Variants in DCTN6 observed in about 807,000 individuals in gnomAD.
DCTN6 encodes the protein dynactin 6.
In DCTN6, 15 loss-of-function variants were observed where a neutral mutation model predicts 25.8. That is an observed-to-expected ratio of 0.58 (90% confidence interval 0.39 to 0.89). The LOEUF (loss-of-function observed/expected upper bound fraction) is 0.89. DCTN6 is among the 40% of genes least tolerant of loss of function. The pLI is 0.00. For synonymous variants in DCTN6, 64 were observed against 78.3 expected (o/e 0.82, Z 0.96); for missense variants, 198 against 237.6 (o/e 0.83, Z 1.09).
intron 2 of DCTN6, among the ~76,000 whole-genome samples, chr8:30,166,260 T>C (rs1271595788): frequency 6.6e-6 from 1 of 151,998 alleles, no homozygotes; most frequent in East Asian, 1.9e-4. Context: ...TTTTTTCTTT[T>C]CTTTTTTTTT....
chr8:30,177,009 A>G, intron 3 of DCTN6, 117 bp from the exon 4 acceptor site: 1 of 695,744 alleles, frequency 1.4e-6, no homozygotes, highest in Non-Finnish European at 2.5e-6. Context: ...TTATATAGTC[A>G]TGTCTTTTAA....
chr8:30,176,011 A>C (rs1803827543), intron 3 of DCTN6, among the ~76,000 whole-genome samples: 1 of 152,228 alleles, frequency 6.6e-6, no homozygotes, highest in African/African-American at 2.4e-5. Flanking sequence ...AATGGCGTCC[A>C]CCTCTTAGAA....
chr8:30,165,408 C>G (rs1232487036), intron 2 of DCTN6, among the ~76,000 whole-genome samples: 1 of 149,606 alleles, frequency 6.7e-6, no homozygotes, highest in African/African-American at 2.5e-5. Context: ...AGAGGAAATA[C>G]ACTTTATTTC....
intron 2 of DCTN6, among the ~76,000 whole-genome samples, chr8:30,165,363 A>G (rs1020522719): frequency 1.2e-4 from 18 of 152,072 alleles, no homozygotes; most frequent in Non-Finnish European, 2.6e-4. Context: ...GTATGCTACC[A>G]GACTAAAGTG....
At chr8:30,173,454 C>A (rs77450068) in intron 2 of DCTN6, among the ~76,000 whole-genome samples, 12,605 of 152,166 alleles carry the variant, frequency 0.083, 738 homozygotes, top group East Asian at 0.33. Context: ...CAATTTATAT[C>A]ATTAGGTGGG....
chr8:30,158,192 GTC>G (rs1318224918), intron 1 of DCTN6, among the ~76,000 whole-genome samples: 3 of 152,190 alleles, frequency 2.0e-5, no homozygotes, highest in Admixed American at 6.5e-5. Context: ...GCATTTGTGA[GTC>G]TCTCCTACTC....
intron 1 of DCTN6, among the ~76,000 whole-genome samples, chr8:30,156,687 C>T (rs1036827682): frequency 6.6e-6 from 1 of 151,136 alleles, no homozygotes; most frequent in African/African-American, 2.4e-5. Context: ...GCCGGGAGGG[C>T]GGGGGGGGCT....
chr8:30,179,477 A>G (rs1389491425), intron 5 of DCTN6, 22 bp downstream of exon 5: 2 of 1,603,172 alleles, frequency 1.2e-6, no homozygotes, highest in African/African-American at 1.3e-5. Flanking sequence ...TCAGAGTTTC[A>G]TTGTCAAAGC....
intron 1 of DCTN6, among the ~76,000 whole-genome samples, chr8:30,157,232 T>TGG (rs1803538328): frequency 6.6e-6 from 1 of 152,228 alleles, no homozygotes; most frequent in South Asian, 2.1e-4. Context: ...GGTAATGGCC[T>TGG]CCAGTTCCAT....
intron 2 of DCTN6, among the ~76,000 whole-genome samples, chr8:30,166,368 A>G (rs1356645758): frequency 7.3e-6 from 1 of 137,312 alleles, no homozygotes; most frequent in Non-Finnish European, 1.5e-5. Context: ...AGCTAGTCTT[A>G]AACTCCTGGG....
Position 30,179,344 on chromosome 8 carries a change from A to G in DCTN6, c.284-64A>G, listed in dbSNP as rs1312881725. 3 of 1,386,666 alleles carry G rather than the reference A, an allele frequency of 2.2e-6. No homozygotes were observed. In the African/African-American group the frequency reaches 4.3e-5, roughly 20 times the overall value. The allele number at this position is 1,386,666 out of a possible 1,614,324, so 85.9% of individuals were successfully genotyped here. A position where few individuals can be genotyped will look rare whatever the true frequency, so the allele number is the denominator to read the frequency against. On this transcript the variant is annotated intron_variant, in intron 4 of 6. Transcript: ENST00000221114. ...CTCTGTCCCAGTGCAATGTAAGTACATACTGTGTTAGTGGGGACTAAAGAT... is the reference window on the plus strand; with the variant it reads ...CTCTGTCCCAGTGCAATGTAAGTACGTACTGTGTTAGTGGGGACTAAAGAT...
At position 30,183,383 on chromosome 8, in the gene DCTN6, T is replaced by G; in HGVS notation, c.*210T>G. On this transcript the variant is annotated 3_prime_UTR_variant, in exon 7 of 7. Coordinates refer to ENST00000221114, the MANE Select transcript of DCTN6 (RefSeq NM_006571.4). ...TTATTTTCCTATATCCTTGGTTCTTTTCTGATAATTTACAGATTTAGCTTT... is the reference window on the plus strand; with the variant it reads ...TTATTTTCCTATATCCTTGGTTCTTGTCTGATAATTTACAGATTTAGCTTT... The G allele has an allele frequency of 2.7e-6, 1 of 369,650 alleles. No homozygotes were observed. Among genetic ancestry groups the G allele is most frequent in the Non-Finnish European group, 4.8e-6 (1 of 207,372 alleles). The allele number at this position is 369,650 out of a possible 1,614,324, so 22.9% of individuals were successfully genotyped here. A position where few individuals can be genotyped will look rare whatever the true frequency, so the allele number is the denominator to read the frequency against.
chr8:30,163,088 G>A (rs962626683), intron 1 of DCTN6, among the ~76,000 whole-genome samples: 2 of 151,778 alleles, frequency 1.3e-5, no homozygotes, highest in Admixed American at 6.6e-5. Flanking sequence ...ACCTGAGGTC[G>A]GGAGTTCGAG....
chr8:30,172,839 A>G (rs1344818184), intron 2 of DCTN6, among the ~76,000 whole-genome samples: 1 of 152,134 alleles, frequency 6.6e-6, no homozygotes, highest in African/African-American at 2.4e-5. Flanking sequence ...ATTTTTTTGT[A>G]ATTTTTTGTA....
chr8:30,183,254 A>T lies in DCTN6; in HGVS notation c.*81A>T. 1 of 1,123,502 alleles carries T rather than the reference A, an allele frequency of 8.9e-7. No homozygotes were observed. 69.6% of individuals were successfully genotyped at this position (1,123,502 alleles called of 1,614,324 possible). On this transcript the variant is annotated 3_prime_UTR_variant, in exon 7 of 7. Coordinates refer to ENST00000221114, the MANE Select transcript of DCTN6 (RefSeq NM_006571.4). Reference sequence around the variant, plus strand: ...GGCCCACAGTGTTTATGTACTCTTAACAACTCACAGAATAATACATGTTCA... The same window carrying T: ...GGCCCACAGTGTTTATGTACTCTTATCAACTCACAGAATAATACATGTTCA...
chr8:30,178,159 A>T (rs1803866187), intron 4 of DCTN6, among the ~76,000 whole-genome samples: 1 of 151,898 alleles, frequency 6.6e-6, no homozygotes, highest in South Asian at 2.1e-4. Flanking sequence ...TTAGTTTAGT[A>T]CTCTAAAAAG....
intron 1 of DCTN6, among the ~76,000 whole-genome samples, chr8:30,159,882 C>G (rs963620400): frequency 6.6e-6 from 1 of 152,036 alleles, no homozygotes; most frequent in Non-Finnish European, 1.5e-5. Context: ...CCGCCTCAGC[C>G]CCCCAAGTAG....
chr8:30,164,158 G>A lies in DCTN6; in HGVS notation c.71G>A (p.Arg24Lys). The change falls in exon 2 of 7, where the codon AGA becomes AAA. Residue 24 changes from arginine (R) to lysine (K), a missense_variant. Arg to Lys is a conservative substitution (Grantham distance 26). Coordinates refer to ENST00000221114, the MANE Select transcript of DCTN6 (RefSeq NM_006571.4). ...GTTGTATGTGTAGAAAGTGAAATCA[G>A]AGGAGATGTAACTATCGGTAAGAAA... Reference protein sequence around the residue: ...GAVVCVESEIRGDVTIGPRTV... With the variant: ...GAVVCVESEIKGDVTIGPRTV... The A allele has an allele frequency of 1.2e-6, 2 of 1,613,220 alleles. No individual in the cohort carries two copies. Among genetic ancestry groups the A allele is most frequent in the Non-Finnish European group, 1.7e-6 (2 of 1,179,162 alleles).
chr8:30,166,976 G>GGGAGGAAGGGAAGAAAA (rs1170348611), intron 2 of DCTN6, among the ~76,000 whole-genome samples: 24 of 149,128 alleles, frequency 1.6e-4, no homozygotes, highest in African/African-American at 5.4e-4. Context: ...AGGGAAGAAA[G>GGGAGGAAGGGAAGAAAA]GAAGGAAGGG....
Sources: gnomAD v4.1 joint callset for allele counts (sites outside exome capture counted in the v4.1 genomes callset) on GRCh38, gnomAD v4.1.1 for gene constraint, MANE v1.5 for transcripts, NCBI Gene and HGNC (gene_info 2026-07-23, HGNC 2026-07-21) for gene names.